Variants in ANKRD44 observed in about 807,000 individuals in gnomAD.
The protein encoded by ANKRD44 is ankyrin repeat domain 44.
In ANKRD44, 35 loss-of-function variants were observed where a neutral mutation model predicts 116.0. The ratio of observed to expected loss-of-function variants is 0.30; its 90% CI spans 0.23 to 0.40. ANKRD44 has a LOEUF of 0.40. Ranked by LOEUF, ANKRD44 falls within the 10% of genes least tolerant of loss-of-function variation. The pLI, the probability that ANKRD44 is intolerant of heterozygous loss-of-function variation, is 1.00. For missense variants in ANKRD44, 1,014 were observed against 1,242.6 expected (o/e 0.82, Z 2.77); for synonymous variants, 435 against 461.8 (o/e 0.94, Z 0.74).
At chr2:197,196,090 T>G (rs1195370067) in intron 1 of ANKRD44, among the ~76,000 whole-genome samples, 1 of 152,230 alleles carries the variant, frequency 6.6e-6, no homozygotes. Context: ...CTGCAACAGT[T>G]TCCTGTTTTG....
chr2:197,118,479 T>A (rs1239257348), intron 8 of ANKRD44, among the ~76,000 whole-genome samples: 6 of 150,186 alleles, frequency 4.0e-5, no homozygotes, highest in African/African-American at 7.4e-5. Context: ...AATCCCAGCT[T>A]CTCGGGAGGC....
At chr2:197,301,934 G>A (rs1342684640) in intron 1 of ANKRD44, among the ~76,000 whole-genome samples, 1 of 152,244 alleles carries the variant, frequency 6.6e-6, no homozygotes, top group East Asian at 1.9e-4. Flanking sequence ...AGGCAGACAG[G>A]AAATGTGGAG....
chr2:197,162,626 G>A (rs775082407), intron 2 of ANKRD44, among the ~76,000 whole-genome samples: 11 of 152,122 alleles, frequency 7.2e-5, no homozygotes, highest in Non-Finnish European at 1.0e-4. Context: ...TGGGTCACTC[G>A]AAAGTCTTTT....
chr2:197,011,422 T>G lies in ANKRD44; in HGVS notation c.1924+2089A>C, dbSNP rs1337309953. ...CTACAGTTGTGCTTTTGTTTTGTTT[T>G]GTTTTGTTTTTTGGTACAGTAGCTT... On this transcript the variant is annotated intron_variant, in intron 18 of 27. Transcript: ENST00000282272. Among the ~76,000 whole-genome samples, 6 of 152,254 alleles carry G rather than the reference T, an allele frequency of 3.9e-5. No homozygotes were observed. In the East Asian group the frequency reaches 1.2e-3, roughly 29 times the overall value.
At chr2:197,012,812 C>A (rs2076323310) in intron 18 of ANKRD44, among the ~76,000 whole-genome samples, 2 of 152,300 alleles carry the variant, frequency 1.3e-5, no homozygotes, top group East Asian at 1.9e-4. Flanking sequence ...TTATCTACTA[C>A]CCTAATCAAA....
In ANKRD44 at chr2:197,061,391, C is replaced by T. The variant is rs546315576; in HGVS notation, c.1650+17312G>A. On this transcript the variant is annotated intron_variant, in intron 16 of 27. Transcript: ENST00000282272. ...TACCCGGGCAGTGACACTGGCAGCC[C>T]CTGCACTGTCATGAGTGGGCAGCGA... Among the ~76,000 whole-genome samples the T allele has an allele frequency of 2.0e-5, 3 of 152,272 alleles. No individual in the cohort carries two copies. In the East Asian group the frequency reaches 5.8e-4, roughly 29 times the overall value.
Position 197,090,694 on chromosome 2 carries a change from G to A in ANKRD44, c.1101-662C>T, listed in dbSNP as rs2078023840. 2.0e-5 allele frequency among the ~76,000 whole-genome samples: 3 copies of A among 151,974 alleles called. No homozygotes were observed. The South Asian group carries it at 6.2e-4, about 31-fold the overall frequency. ...TATATCCCTGTTTTCCCACTCAAAT[G>A]TTGCCTTTTCCTAAACTACCCATGG... On this transcript the variant is annotated intron_variant, in intron 10 of 27. Coordinates refer to ENST00000282272, the MANE Select transcript of ANKRD44 (RefSeq NM_001195144.2).
Position 197,125,994 on chromosome 2 carries a change from G to GA in ANKRD44, c.304_305insT (p.Ala102ValfsTer69). 6.2e-7 allele frequency: 1 copy of GA among 1,614,222 alleles called. No homozygotes were observed. The highest frequency in any genetic ancestry group is 8.5e-7 in the Non-Finnish European group (1 of 1,180,040). ...AGGGGTCTGCCAGTTCTTGTCCCTT[G>GA]CATTGACATCAGCTGAGTGCTTAAT... is the stretch of plus-strand genomic sequence containing the variant. On this transcript the variant is annotated frameshift_variant, in exon 5 of 28. Transcript: ENST00000282272. LOFTEE classifies it high-confidence loss of function.
intron 2 of ANKRD44, among the ~76,000 whole-genome samples, chr2:197,183,956 T>G (rs925423417): frequency 2.6e-5 from 4 of 152,204 alleles, no homozygotes; most frequent in Admixed American, 6.5e-5. Context: ...TCTCCCTACA[T>G]AGCATCCCGG....
chr2:197,165,157 A>G (rs1391895074), intron 2 of ANKRD44, among the ~76,000 whole-genome samples: 1 of 152,316 alleles, frequency 6.6e-6, no homozygotes, highest in African/African-American at 2.4e-5. Context: ...CCCTTTCCTC[A>G]ACACGCCCCT....
chr2:197,092,785 G>A (rs749304752), intron 10 of ANKRD44, among the ~76,000 whole-genome samples: 12 of 152,176 alleles, frequency 7.9e-5, no homozygotes, highest in Non-Finnish European at 1.8e-4. Context: ...GGAGTTGGGG[G>A]ATAGGAGAGA....
chr2:197,101,090 A>C (rs894959501), intron 9 of ANKRD44, among the ~76,000 whole-genome samples: 1 of 152,218 alleles, frequency 6.6e-6, no homozygotes, highest in Non-Finnish European at 1.5e-5. Flanking sequence ...ATTAGTGCAT[A>C]TTCCAATTTC....
chr2:197,283,592 G>A (rs920144640), intron 1 of ANKRD44, among the ~76,000 whole-genome samples: 1 of 152,016 alleles, frequency 6.6e-6, no homozygotes, highest in Non-Finnish European at 1.5e-5. Flanking sequence ...AGCCTTAATA[G>A]AAACAAAACT....
Position 197,186,612 on chromosome 2 carries a change from C to CT in ANKRD44, c.111+410dup, listed in dbSNP as rs149107038. Among the ~76,000 whole-genome samples, 374 of 50,774 alleles carry CT rather than the reference C, an allele frequency of 7.4e-3. 44 individuals carry two copies. Among genetic ancestry groups the CT allele is most frequent in the Non-Finnish European group, 7.9e-3 (179 of 22,754 alleles). 33.3% of individuals were successfully genotyped at this position (50,774 alleles called of 152,430 possible). On this transcript the variant is annotated intron_variant, in intron 2 of 27. Coordinates refer to ENST00000282272, the MANE Select transcript of ANKRD44 (RefSeq NM_001195144.2). Reference sequence around the variant, plus strand: ...CCATCACTATGCCCGGCTAATTTTTCTTTTTTTTTTTTTTTTTTTTTTTTT... The same window carrying CT: ...CCATCACTATGCCCGGCTAATTTTTCTTTTTTTTTTTTTTTTTTTTTTTTTT...
intron 21 of ANKRD44, among the ~76,000 whole-genome samples, chr2:196,970,118 G>A (rs973000825): frequency 2.0e-5 from 3 of 152,072 alleles, no homozygotes; most frequent in Non-Finnish European, 2.9e-5. Context: ...GTCATGCTGC[G>A]GTTAAAGCCC....
intron 26 of ANKRD44, chr2:196,994,947 T>C (rs1241271254): frequency 6.5e-6 from 1 of 153,068 alleles, no homozygotes; most frequent in Non-Finnish European, 1.5e-5. Context: ...TATATTAAAA[T>C]ATAATCAAGA....
chr2:197,035,271 T>C (rs1215654564), intron 16 of ANKRD44, among the ~76,000 whole-genome samples: 1 of 152,142 alleles, frequency 6.6e-6, no homozygotes, highest in Non-Finnish European at 1.5e-5. Context: ...GTATAGATTA[T>C]GACAGACTAC....
chr2:197,261,085 G>C (rs1465954991), intron 1 of ANKRD44, among the ~76,000 whole-genome samples: 2 of 151,714 alleles, frequency 1.3e-5, no homozygotes, highest in African/African-American at 4.8e-5. Context: ...AGTTTAATTA[G>C]ATTCCATTTG....
Position 197,048,681 on chromosome 2 carries a change from T to A in ANKRD44, c.1651-23414A>T, listed in dbSNP as rs554184954. On this transcript the variant is annotated intron_variant, in intron 16 of 27. Transcript: ENST00000282272. Reference sequence around the variant, plus strand: ...GCATGTGTCTTTATGACAGCATGATTTATAATCCTTTGGCTATATACTCAG... The same window carrying A: ...GCATGTGTCTTTATGACAGCATGATATATAATCCTTTGGCTATATACTCAG... Among the ~76,000 whole-genome samples the A allele has an allele frequency of 1.1e-4, 16 of 152,356 alleles. No individual in the cohort carries two copies. In the South Asian group the frequency reaches 3.1e-3, roughly 30 times the overall value.
Sources: allele counts gnomAD v4.1 joint callset (sites outside exome capture counted in the v4.1 genomes callset), GRCh38; gene constraint gnomAD v4.1.1; transcripts MANE v1.5; gene names NCBI Gene and HGNC (gene_info 2026-07-23, HGNC 2026-07-21).